PRSS3: variants seen among roughly 807,000 people sequenced by gnomAD.
PRSS3 encodes the protein serine protease 3.
Under a neutral mutation model 20.8 loss-of-function variants are expected in PRSS3, and 14 were observed. That is an observed-to-expected ratio of 0.67 (90% CI 0.44 to 1.05). PRSS3 has a LOEUF of 1.05. Among genes scored for constraint, PRSS3 ranks in the 50% least tolerant of loss-of-function variants. PRSS3 has a pLI of 0.00. For synonymous variants in PRSS3, 91 were observed against 117.6 expected, an observed-to-expected ratio of 0.77 and a Z score of 1.46; for missense variants, 237 against 306.4, an observed-to-expected ratio of 0.77 and a Z score of 1.69.
intron 1 of PRSS3, among the ~76,000 whole-genome samples, chr9:33,761,663 G>A (rs1313055693): frequency 1.3e-5 from 2 of 151,922 alleles, no homozygotes; most frequent in East Asian, 1.9e-4. Flanking sequence ...CTGAGATCAC[G>A]CCATTGCACT....
chr9:33,760,473 G>A (rs1273024742), intron 1 of PRSS3, among the ~76,000 whole-genome samples: 2 of 152,090 alleles, frequency 1.3e-5, no homozygotes, highest in African/African-American at 2.4e-5. Context: ...GAGGCCGGGT[G>A]CGGTGGCTCA....
chr9:33,756,146 A>C (rs955826937), intron 1 of PRSS3, among the ~76,000 whole-genome samples: 1 of 152,092 alleles, frequency 6.6e-6, no homozygotes, highest in Non-Finnish European at 1.5e-5. Flanking sequence ...TTCTTCCTTC[A>C]CACTTGATTG....
At chr9:33,782,972 C>T (rs139838935) in intron 1 of PRSS3, among the ~76,000 whole-genome samples, 6 of 152,146 alleles carry the variant, frequency 3.9e-5, no homozygotes, top group South Asian at 2.1e-4. Context: ...ACATCTTGAA[C>T]GTCCATCTAC....
At chr9:33,776,057 G>A (rs900906309) in intron 1 of PRSS3, among the ~76,000 whole-genome samples, 1 of 152,164 alleles carries the variant, frequency 6.6e-6, no homozygotes, top group Non-Finnish European at 1.5e-5. Flanking sequence ...TGATTTAAAT[G>A]ACTTGACAAA....
intron 1 of PRSS3, among the ~76,000 whole-genome samples, chr9:33,766,127 T>A (rs1823400212): frequency 6.6e-6 from 1 of 151,718 alleles, no homozygotes; most frequent in Admixed American, 6.6e-5. Context: ...TAACCAGGCA[T>A]ACTGGCGAGC....
At chr9:33,794,732 C>T (rs1824818903), upstream of PRSS3, 5 of 1,540,156 alleles carry the variant, frequency 3.2e-6, no homozygotes, top group Non-Finnish European at 4.4e-6. Flanking sequence ...CAGTTTGCAT[C>T]ACCCTAAGTG....
At chr9:33,770,640 G>C (rs1823644170) in intron 1 of PRSS3, among the ~76,000 whole-genome samples, 1 of 152,136 alleles carries the variant, frequency 6.6e-6, no homozygotes, top group Non-Finnish European at 1.5e-5. Context: ...TTAGGGTGGG[G>C]CCCAAATGCA....
chr9:33,765,222 A>G (rs1823362530), intron 1 of PRSS3, among the ~76,000 whole-genome samples: 1 of 152,146 alleles, frequency 6.6e-6, no homozygotes, highest in Admixed American at 6.5e-5. Context: ...TTAGTGCCAA[A>G]CCTTATATAC....
At chr9:33,776,915 T>A (rs1048003202) in intron 1 of PRSS3, among the ~76,000 whole-genome samples, 9 of 152,232 alleles carry the variant, frequency 5.9e-5, no homozygotes, top group East Asian at 3.9e-4. Context: ...CAATATTTTT[T>A]AAAAAGCCTA....
At chr9:33,765,845 ATC>A (rs994674116) in intron 1 of PRSS3, among the ~76,000 whole-genome samples, 1 of 152,258 alleles carries the variant, frequency 6.6e-6, no homozygotes, top group African/African-American at 2.4e-5. Context: ...AAATGAAAAC[ATC>A]TATACACACA....
intron 1 of PRSS3, among the ~76,000 whole-genome samples, chr9:33,778,271 T>C (rs1273956335): frequency 6.6e-6 from 1 of 152,156 alleles, no homozygotes; most frequent in African/African-American, 2.4e-5. Flanking sequence ...CGTCTTCCCA[T>C]TTTTATTTCT....
Position 33,795,758 on chromosome 9 carries a change from G to T in PRSS3, c.40+145G>T, listed in dbSNP as rs1824887564. ...ACATATCTCCTTCCCATCCTCCTTG[G>T]GCTCTCTTTAAGCCTCACCTGTTTC... On this transcript the variant is annotated intron_variant, in intron 1 of 4. Coordinates refer to ENST00000379405, the MANE Select transcript of PRSS3 (RefSeq NM_002771.4). 5 of 1,075,426 alleles carry T rather than the reference G, an allele frequency of 4.6e-6. No individual in the cohort carries two copies. The South Asian group carries it at 5.7e-5, about 12-fold the overall frequency. 66.6% of individuals were successfully genotyped at this position (1,075,426 alleles called of 1,614,324 possible).
At chr9:33,762,021 T>C (rs189038601) in intron 1 of PRSS3, 31 of 152,294 alleles carry the variant, frequency 2.0e-4, no homozygotes, top group African/African-American at 5.5e-4. Flanking sequence ...GATAAAACTA[T>C]TCATTTTATC....
At chr9:33,751,288 C>T (rs1344095545) in intron 1 of PRSS3, among the ~76,000 whole-genome samples, 2 of 152,180 alleles carry the variant, frequency 1.3e-5, no homozygotes, top group Non-Finnish European at 1.5e-5. Context: ...TTTCCTGAGG[C>T]CAGGAAGCCT....
chr9:33,767,363 G>C (rs1383637283), intron 1 of PRSS3, among the ~76,000 whole-genome samples: 1 of 152,122 alleles, frequency 6.6e-6, no homozygotes, highest in African/African-American at 2.4e-5. Flanking sequence ...ATAACATATG[G>C]CATTATGGGC....
At chr9:33,798,449 A>G (rs1195866793) in intron 3 of PRSS3, 37 bp from the exon 4 acceptor site, 4 of 1,612,680 alleles carry the variant, frequency 2.5e-6, no homozygotes, top group African/African-American at 2.7e-5. Flanking sequence ...CCTCACCCAC[A>G]TTTCTACTTT....
intron 1 of PRSS3, among the ~76,000 whole-genome samples, chr9:33,768,011 C>A (rs1411709879): frequency 6.6e-6 from 1 of 152,196 alleles, no homozygotes; most frequent in South Asian, 2.1e-4. Flanking sequence ...TTAAGTCCCC[C>A]AGCCTGTGGG....
chr9:33,796,816 C>T lies in PRSS3; in HGVS notation c.200+14C>T, dbSNP rs1172517741. On this transcript the variant is annotated intron_variant, in intron 2 of 4. Transcript: ENST00000379405. ...CTGCTACAAGACGTAAGTGTGGGGC[C>T]CCTGACTGCAAAGCTCCCAGCCAGG... 2.5e-5 allele frequency: 41 copies of T among 1,613,766 alleles called. No homozygotes were observed. The highest frequency in any genetic ancestry group is 3.5e-5 in the Non-Finnish European group (41 of 1,179,804).
intron 1 of PRSS3, among the ~76,000 whole-genome samples, chr9:33,788,095 C>T (rs1378763859): frequency 1.3e-5 from 2 of 152,174 alleles, no homozygotes; most frequent in African/African-American, 2.4e-5. Context: ...GAAGGACATT[C>T]TATTTCTAGA....
Sources: allele counts gnomAD v4.1 joint callset (sites outside exome capture counted in the v4.1 genomes callset), GRCh38; gene constraint gnomAD v4.1.1; transcripts MANE v1.5; gene names NCBI Gene and HGNC (gene_info 2026-07-23, HGNC 2026-07-21).